The following FAM131C variants were observed in gnomAD, a reference collection of about 807,000 sequenced individuals.
FAM131C encodes protein FAM131C.
In FAM131C, 14 loss-of-function variants were observed where a neutral mutation model predicts 29.8. That is an observed-to-expected ratio of 0.47 (90% CI 0.31 to 0.73). FAM131C has a LOEUF of 0.73. FAM131C is among the 30% of genes least tolerant of loss of function. The pLI, the probability that FAM131C is intolerant of heterozygous loss-of-function variation, is 0.05. For synonymous variants in FAM131C, 86 were observed against 157.8 expected, an observed-to-expected ratio of 0.54 and a Z score of 3.41; for missense variants, 252 against 383.8, an observed-to-expected ratio of 0.66 and a Z score of 2.87.
intron 1 of FAM131C, among the ~76,000 whole-genome samples, chr1:16,066,592 G>A (rs531386163): frequency 3.3e-5 from 5 of 152,292 alleles, no homozygotes; most frequent in African/African-American, 1.2e-4. Context: ...TCATGCAGCC[G>A]TTTATTAATT....
chr1:16,061,976 C>T (rs1356375019), intron 4 of FAM131C, 123 bp downstream of exon 4: 19 of 895,362 alleles, frequency 2.1e-5, no homozygotes, highest in Admixed American at 2.0e-4. Flanking sequence ...GCATTTAGAA[C>T]ATGGAGAATC....
chr1:16,064,108 T>C (rs1183883567), intron 1 of FAM131C, among the ~76,000 whole-genome samples: 3 of 152,064 alleles, frequency 2.0e-5, no homozygotes, highest in Non-Finnish European at 4.4e-5. Context: ...GACCGCTGCA[T>C]GCGAGATTGT....
In FAM131C at chr1:16,058,435, C is replaced by T. The variant is rs1570350286; in HGVS notation, c.*2G>A. 6.8e-6 allele frequency: 10 copies of T among 1,461,290 alleles called. No individual in the cohort carries two copies. Among genetic ancestry groups the T allele is most frequent in the Non-Finnish European group, 9.0e-6 (10 of 1,108,384 alleles). The allele number at this position is 1,461,290 out of a possible 1,614,324, so 90.5% of individuals were successfully genotyped here. A position where few individuals can be genotyped will look rare whatever the true frequency, so the allele number is the denominator to read the frequency against. On this transcript the variant is annotated 3_prime_UTR_variant, in exon 7 of 7. Transcript: ENST00000375662. Reference sequence around the variant, plus strand: ...AGGTGCTGGACCAGCACAGCCCCCACCTCAGTTATAGAACACCTCGTCCTC... The same window carrying T: ...AGGTGCTGGACCAGCACAGCCCCCATCTCAGTTATAGAACACCTCGTCCTC...
chr1:16,071,880 T>C (rs9442200), intron 1 of FAM131C, among the ~76,000 whole-genome samples: 65,125 of 152,066 alleles, frequency 0.43, 15,470 homozygotes, highest in African/African-American at 0.62. Context: ...AGGCCAGTCC[T>C]TCTGGGCTGG....
rs188502778 is a variant in FAM131C at position 16,072,350 on chromosome 1, G to A, written c.22+1071C>T. 2.0e-3 allele frequency among the ~76,000 whole-genome samples: 300 copies of A among 152,310 alleles called. 1 individual carries two copies. The highest frequency in any genetic ancestry group is 5.3e-3 in the African/African-American group (221 of 41,556). ...CTTCGAGTCCAGAGGATGGGGGAAG[G>A]TCATTGTGCTCCTTGCTCAATACCC... On this transcript the variant is annotated intron_variant, in intron 1 of 6. Transcript: ENST00000375662.
At chr1:16,072,911 AC>A (rs1364039579) in intron 1 of FAM131C, among the ~76,000 whole-genome samples, 1 of 150,914 alleles carries the variant, frequency 6.6e-6, no homozygotes, top group Non-Finnish European at 1.5e-5. Context: ...CTTCTTTATA[AC>A]CTGTGCCCCA....
At position 16,058,518 on chromosome 1, in the gene FAM131C, C is replaced by G. The variant is rs1183713363; in HGVS notation, c.762G>C (p.Glu254Asp). Residue 254 changes from glutamate (E) to aspartate (D), a missense_variant, in exon 7 of 7, where the codon GAG becomes GAC. Physicochemically the swap from Glu to Asp is conservative, Grantham distance 45 (BLOSUM62 2). Transcript: ENST00000375662. ...RRRLPGAQGP[E>D]GGTHPPGSLP... Reference sequence around the variant, plus strand: ...GGGAGCCCGGGGGGTGGGTCCCACCCTCGGGTCCTTGGGCCCCGGGCAGCC... The same window carrying G: ...GGGAGCCCGGGGGGTGGGTCCCACCGTCGGGTCCTTGGGCCCCGGGCAGCC... The G allele has an allele frequency of 1.0e-4, 157 of 1,519,562 alleles. No individual in the cohort carries two copies. The highest frequency in any genetic ancestry group is 1.3e-4 in the Non-Finnish European group (152 of 1,134,736). 94.1% of individuals were successfully genotyped at this position (1,519,562 alleles called of 1,614,324 possible). A position where few individuals can be genotyped will look rare whatever the true frequency, so the allele number is the denominator to read the frequency against.
At position 16,062,045 on chromosome 1, in the gene FAM131C, C is replaced by A. The variant is rs1166960614; in HGVS notation, c.268+54G>T. The A allele has an allele frequency of 7.6e-6, 12 of 1,572,726 alleles. No individual in the cohort carries two copies. The African/African-American group carries it at 1.1e-4, about 14-fold the overall frequency. Reference sequence around the variant, plus strand: ...GCCATGCCCTTCCCACAGCCAGGGTCTAGGGTGGGACCGTGCATTCTCCAC... The same window carrying A: ...GCCATGCCCTTCCCACAGCCAGGGTATAGGGTGGGACCGTGCATTCTCCAC... On this transcript the variant is annotated intron_variant, in intron 4 of 6. Coordinates refer to ENST00000375662, the MANE Select transcript of FAM131C (RefSeq NM_182623.3).
chr1:16,069,792 G>T lies in FAM131C; in HGVS notation c.22+3629C>A, dbSNP rs554499420. 4.0e-3 allele frequency among the ~76,000 whole-genome samples: 607 copies of T among 152,272 alleles called. 5 individuals carry two copies. The highest frequency in any genetic ancestry group is 0.014 in the African/African-American group (573 of 41,546). ...CACCTCTTTTTGTTTTTGAGACAGGGTCTTTGTTGCCCAGGCTAGAGTGCG... is the reference window on the plus strand; with the variant it reads ...CACCTCTTTTTGTTTTTGAGACAGGTTCTTTGTTGCCCAGGCTAGAGTGCG... On this transcript the variant is annotated intron_variant, in intron 1 of 6. Coordinates refer to ENST00000375662, the MANE Select transcript of FAM131C (RefSeq NM_182623.3).
At chr1:16,059,399 G>C (rs2023553324) in intron 6 of FAM131C, 95 bp downstream of exon 6, 1 of 1,510,936 alleles carries the variant, frequency 6.6e-7, no homozygotes, top group Non-Finnish European at 8.9e-7. Context: ...AAAGGAAGGG[G>C]CTTGGCCGAG....
chr1:16,059,011 G>A (rs2023542035), intron 6 of FAM131C, among the ~76,000 whole-genome samples: 1 of 152,058 alleles, frequency 6.6e-6, no homozygotes, highest in Non-Finnish European at 1.5e-5. Flanking sequence ...GGGGCAGGAG[G>A]ACTAAGTGCA....
rs779647123 is a variant in FAM131C at position 16,058,732 on chromosome 1, G to T, written c.563-15C>A. The T allele has an allele frequency of 3.8e-6, 6 of 1,569,676 alleles. No individual in the cohort carries two copies. Among genetic ancestry groups the T allele is most frequent in the Non-Finnish European group, 5.2e-6 (6 of 1,159,604 alleles). ...GCTCTCCAGATCTGGAAAAGCAAGG[G>T]GGTGATGGGGGAATGGCGTCCCAGA... On this transcript the variant is annotated splice_polypyrimidine_tract_variant and intron_variant, in intron 6 of 6. Coordinates refer to ENST00000375662, the MANE Select transcript of FAM131C (RefSeq NM_182623.3).
chr1:16,073,488 C>T lies in FAM131C; in HGVS notation c.-46G>A. The T allele has an allele frequency of 2.6e-6, 3 of 1,164,500 alleles. No homozygotes were observed. Among genetic ancestry groups the T allele is most frequent in the Non-Finnish European group, 2.1e-6 (2 of 937,212 alleles). 72.1% of individuals were successfully genotyped at this position (1,164,500 alleles called of 1,614,324 possible). A position where few individuals can be genotyped will look rare whatever the true frequency, so the allele number is the denominator to read the frequency against. Reference sequence around the variant, plus strand: ...CCGCTGCGCCCGGGGTGCGTGGGGCCGCGGGGCGTTCATGTCTCCGCGGGC... The same window carrying T: ...CCGCTGCGCCCGGGGTGCGTGGGGCTGCGGGGCGTTCATGTCTCCGCGGGC... On this transcript the variant is annotated 5_prime_UTR_variant, in exon 1 of 7. Transcript: ENST00000375662.
At chr1:16,061,468 C>T (rs1490352886) in intron 4 of FAM131C, among the ~76,000 whole-genome samples, 1 of 152,124 alleles carries the variant, frequency 6.6e-6, no homozygotes, top group African/African-American at 2.4e-5. Flanking sequence ...GCTGTCAGCT[C>T]ACACCCTTAT....
Position 16,073,529 on chromosome 1 carries a change from G to C in FAM131C, c.-87C>G, listed in dbSNP as rs2023780998. ...CTCCGCGGGCCCGGGGCTGAGCGCT[G>C]CGGAGCCAGAGGACGGGCGGGGCGG... is the stretch of plus-strand genomic sequence containing the variant. On this transcript the variant is annotated 5_prime_UTR_variant, in exon 1 of 7. Transcript: ENST00000375662. 1.2e-6 allele frequency: 1 copy of C among 823,108 alleles called. No individual in the cohort carries two copies. The highest frequency in any genetic ancestry group is 4.2e-5 in the East Asian group (1 of 23,680). The allele number at this position is 823,108 out of a possible 1,614,324, so 51.0% of individuals were successfully genotyped here.
intron 1 of FAM131C, among the ~76,000 whole-genome samples, chr1:16,072,984 C>T (rs1191862874): frequency 6.8e-6 from 1 of 146,104 alleles, no homozygotes; most frequent in African/African-American, 2.5e-5. Context: ...CCCGGTAAGA[C>T]GTGGGAAGGG....
intron 2 of FAM131C, among the ~76,000 whole-genome samples, 180 bp downstream of exon 2, chr1:16,063,341 G>T (rs1022799130): frequency 4.6e-5 from 7 of 152,144 alleles, no homozygotes; most frequent in Admixed American, 3.3e-4. Context: ...GTCCCTGGAT[G>T]CTCAGTCCAG....
At chr1:16,073,385 C>T in intron 1 of FAM131C, 36 bp downstream of exon 1, 3 of 1,162,438 alleles carry the variant, frequency 2.6e-6, no homozygotes, top group Non-Finnish European at 2.2e-6. Flanking sequence ...GGGTCCCCGG[C>T]ACCCGATCCC....
intron 1 of FAM131C, among the ~76,000 whole-genome samples, chr1:16,066,571 A>G (rs559921384): frequency 2.0e-5 from 3 of 152,268 alleles, no homozygotes; most frequent in Admixed American, 2.0e-4. Flanking sequence ...GGGGGTGCAT[A>G]TTTCAGTGGG....
Sources: allele counts gnomAD v4.1 joint callset (sites outside exome capture counted in the v4.1 genomes callset), GRCh38; gene constraint gnomAD v4.1.1; transcripts MANE v1.5; gene names NCBI Gene and HGNC (gene_info 2026-07-23, HGNC 2026-07-21).